Variants in PODXL observed in about 807,000 individuals in gnomAD.
PODXL encodes podocalyxin.
A neutral mutation model predicts 48.9 loss-of-function variants in PODXL; 20 were observed. The observed-to-expected ratio is 0.41, with a 90% confidence interval of 0.29 to 0.59. PODXL has a LOEUF of 0.59. Ranked by LOEUF, PODXL falls within the 20% of genes least tolerant of loss-of-function variation. The pLI, the probability that PODXL is intolerant of heterozygous loss-of-function variation, is 0.31. For missense variants in PODXL, 606 were observed against 675.1 expected, an observed-to-expected ratio of 0.90 and a Z score of 1.13; for synonymous variants, 295 against 287.4, an observed-to-expected ratio of 1.03 and a Z score of -0.27.
At position 131,542,797 on chromosome 7, in the gene PODXL, C is replaced by T. The variant is rs12155058; in HGVS notation, c.100+13463G>A. ...AAAGCATGTACAGCGCCAGTTAGAG[C>T]CTCCCTCCCTCTAGAGCATGGCAGT... is the stretch of plus-strand genomic sequence containing the variant. On this transcript the variant is annotated intron_variant, in intron 1 of 8. Coordinates refer to ENST00000378555, the MANE Select transcript of PODXL (RefSeq NM_001018111.3). 9.8e-3 allele frequency among the ~76,000 whole-genome samples: 1,495 copies of T among 152,310 alleles called. 9 individuals carry two copies. Among genetic ancestry groups the T allele is most frequent in the Non-Finnish European group, 0.014 (964 of 68,022 alleles).
intron 1 of PODXL, among the ~76,000 whole-genome samples, chr7:131,550,199 C>G (rs183154032): frequency 1.8e-4 from 27 of 152,362 alleles, no homozygotes; most frequent in Middle Eastern, 3.4e-3. Flanking sequence ...TATTTAGGCA[C>G]AATGCATGGT....
At chr7:131,510,421 G>T in intron 2 of PODXL, 90 bp from the exon 3 acceptor site, 1 of 272,898 alleles carries the variant, frequency 3.7e-6, no homozygotes, top group Non-Finnish European at 7.1e-6. Context: ...TGAGGCAGGA[G>T]AATTGCTTGA....
intron 1 of PODXL, among the ~76,000 whole-genome samples, chr7:131,553,511 T>A (rs1798697622): frequency 6.6e-6 from 1 of 152,210 alleles, no homozygotes; most frequent in Admixed American, 6.5e-5. Flanking sequence ...GTGTTGATCC[T>A]GAGTTGGGCG....
At chr7:131,533,980 A>G (rs746658501) in intron 1 of PODXL, among the ~76,000 whole-genome samples, 19 of 152,306 alleles carry the variant, frequency 1.2e-4, no homozygotes, top group Admixed American at 2.6e-4. Flanking sequence ...GTGTGTGCAC[A>G]TAGAAAGTGC....
intron 1 of PODXL, among the ~76,000 whole-genome samples, chr7:131,546,239 G>T (rs973146830): frequency 1.3e-5 from 2 of 152,194 alleles, no homozygotes; most frequent in African/African-American, 2.4e-5. Flanking sequence ...TCTGAGAAAG[G>T]AAAGTGAAAG....
intron 8 of PODXL, 106 bp from the exon 9 acceptor site, chr7:131,504,614 G>A: frequency 1.1e-6 from 1 of 928,058 alleles, no homozygotes; most frequent in Non-Finnish European, 1.7e-6. Flanking sequence ...TGTAGCTAAA[G>A]CAGGCCCTCA....
intron 1 of PODXL, among the ~76,000 whole-genome samples, chr7:131,516,337 G>A (rs370061146): frequency 1.3e-5 from 2 of 152,126 alleles, no homozygotes; most frequent in East Asian, 1.9e-4. Flanking sequence ...TCGGGAGTTT[G>A]AGACCAGCCT....
intron 3 of PODXL, 44 bp from the exon 4 acceptor site, chr7:131,509,629 C>G (rs550942175): frequency 1.5e-6 from 2 of 1,317,842 alleles, no homozygotes; most frequent in Non-Finnish European, 2.1e-6. Flanking sequence ...ATGAGTGCAC[C>G]CTTGCGAGAA....
In PODXL at chr7:131,505,907, A is replaced by G; in HGVS notation, c.1440T>C (p.Tyr480=). ...GGGAGAGGCGCTGGTGGCAGCAGCC[A>G]TAGAGGGCCGCCACGAGGAGCAGGA... ...ASFLLLVAAL[Y]GCCHQRLSQR... is the part of the protein sequence containing the mutation. Residue 480 remains tyrosine (Y), a synonymous_variant, in exon 8 of 9, where the codon TAT becomes TAC. Coordinates refer to ENST00000378555, the MANE Select transcript of PODXL (RefSeq NM_001018111.3). 1.3e-6 allele frequency: 2 copies of G among 1,580,232 alleles called. No homozygotes were observed. The highest frequency in any genetic ancestry group is 2.3e-5 in the South Asian group (2 of 86,428).
chr7:131,511,268 G>C lies in PODXL; in HGVS notation c.266C>G (p.Ser89Ter). 6.2e-7 allele frequency: 1 copy of C among 1,614,064 alleles called. No individual in the cohort carries two copies. Among genetic ancestry groups the C allele is most frequent in the Non-Finnish European group, 8.5e-7 (1 of 1,179,974 alleles). Reference sequence around the variant, plus strand: ...CTGAGCCAGGGTTGTAGTCCCCGGTGAGTCACTGGATACACCAAGGGTGGT... The same window carrying C: ...CTGAGCCAGGGTTGTAGTCCCCGGTCAGTCACTGGATACACCAAGGGTGGT... ...KATTLGVSSD[S>*]PGTTTLAQQV... Residue 89 changes from serine to a stop codon, truncating the protein, a stop_gained, in exon 2 of 9, where the codon TCA becomes TGA. Transcript: ENST00000378555. LOFTEE classifies it high-confidence loss of function.
rs537596447 is a variant in PODXL at position 131,538,455 on chromosome 7, C to G, written c.100+17805G>C. 3.9e-5 allele frequency among the ~76,000 whole-genome samples: 6 copies of G among 152,288 alleles called. No homozygotes were observed. In the South Asian group the frequency reaches 1.2e-3, roughly 32 times the overall value. ...AGTCTCACCTGATGAAAATCAGGCC[C>G]AGAGTTGGTGACACTGCATCCTCCA... On this transcript the variant is annotated intron_variant, in intron 1 of 8. Coordinates refer to ENST00000378555, the MANE Select transcript of PODXL (RefSeq NM_001018111.3).
At chr7:131,521,755 C>G (rs1355429479) in intron 1 of PODXL, among the ~76,000 whole-genome samples, 1 of 152,150 alleles carries the variant, frequency 6.6e-6, no homozygotes. Flanking sequence ...TCCTGGGAAC[C>G]CCGCCAGGTG....
chr7:131,555,365 G>A (rs1798726313), intron 1 of PODXL, among the ~76,000 whole-genome samples: 2 of 152,202 alleles, frequency 1.3e-5, no homozygotes, highest in South Asian at 4.1e-4. Context: ...ACCTGTTCTG[G>A]TTGAGTTTGC....
At chr7:131,540,434 G>A (rs80177461) in intron 1 of PODXL, among the ~76,000 whole-genome samples, 6,150 of 151,902 alleles carry the variant, frequency 0.04, 398 homozygotes, top group African/African-American at 0.13. Context: ...TAACCCAACT[G>A]TCTCGGGGAT....
intron 1 of PODXL, among the ~76,000 whole-genome samples, chr7:131,532,272 A>AAAAT (rs1320337290): frequency 1.3e-5 from 2 of 149,940 alleles, no homozygotes; most frequent in African/African-American, 4.9e-5. Flanking sequence ...CGTCTCTATT[A>AAAAT]AAAGTACAAA....
intron 3 of PODXL, 79 bp from the exon 4 acceptor site, chr7:131,509,664 T>C (rs1797876956): frequency 9.8e-7 from 1 of 1,017,462 alleles, no homozygotes; most frequent in Non-Finnish European, 1.4e-6. Flanking sequence ...CTTGCTCTAA[T>C]AGTTTTCCCA....
At chr7:131,521,147 G>A (rs1283950870) in intron 1 of PODXL, among the ~76,000 whole-genome samples, 8 of 119,038 alleles carry the variant, frequency 6.7e-5, no homozygotes, top group African/African-American at 2.4e-4. Flanking sequence ...CAGCCTGGGC[G>A]ACTCCATCTC....
chr7:131,549,669 G>A (rs1798637902), intron 1 of PODXL, among the ~76,000 whole-genome samples: 1 of 152,172 alleles, frequency 6.6e-6, no homozygotes, highest in South Asian at 2.1e-4. Context: ...GCCTGGCTCT[G>A]GGAGGTCCCT....
chr7:131,507,398 C>T (rs751442336), intron 5 of PODXL, among the ~76,000 whole-genome samples: 2 of 152,140 alleles, frequency 1.3e-5, no homozygotes, highest in Admixed American at 6.5e-5. Flanking sequence ...TTGTGGCTGA[C>T]GTGGCTTTAG....
Sources: gnomAD v4.1 joint callset for allele counts (sites outside exome capture counted in the v4.1 genomes callset) on GRCh38, gnomAD v4.1.1 for gene constraint, MANE v1.5 for transcripts, NCBI Gene and HGNC (gene_info 2026-07-23, HGNC 2026-07-21) for gene names.